Variants in SNCAIP observed in about 807,000 individuals in gnomAD.
SNCAIP encodes synphilin-1.
Under a neutral mutation model 86.7 loss-of-function variants are expected in SNCAIP, and 43 were observed. The observed-to-expected ratio is 0.50, with a 90% CI of 0.39 to 0.64. The LOEUF (loss-of-function observed/expected upper bound fraction) is 0.64. SNCAIP is among the 30% of genes least tolerant of loss of function. SNCAIP has a pLI of 0.00. For synonymous variants in SNCAIP, 417 were observed against 427.2 expected, an observed-to-expected ratio of 0.98 and a Z score of 0.29; for missense variants, 981 against 1,103.1, an observed-to-expected ratio of 0.89 and a Z score of 1.57.
intron 5 of SNCAIP, among the ~76,000 whole-genome samples, chr5:122,429,276 A>G (rs1777930478): frequency 6.6e-6 from 1 of 151,518 alleles, no homozygotes; most frequent in South Asian, 2.1e-4. Context: ...CCACCCTAGA[A>G]AACTAGAAAA....
At chr5:122,319,494 G>A (rs1381567465) in intron 1 of SNCAIP, among the ~76,000 whole-genome samples, 3 of 152,216 alleles carry the variant, frequency 2.0e-5, no homozygotes, top group Non-Finnish European at 2.9e-5. Context: ...AAACACTTTG[G>A]AAGCCACAGA....
chr5:122,373,020 G>A (rs1265892003), intron 1 of SNCAIP, among the ~76,000 whole-genome samples: 2 of 152,058 alleles, frequency 1.3e-5, no homozygotes, highest in Admixed American at 1.3e-4. Context: ...TTGTCATTTT[G>A]TTATTTTGAA....
intron 10 of SNCAIP, among the ~76,000 whole-genome samples, chr5:122,457,898 T>A (rs1294404605): frequency 6.6e-6 from 1 of 152,156 alleles, no homozygotes; most frequent in Non-Finnish European, 1.5e-5. Flanking sequence ...CAGAGTCTTG[T>A]GTATAAAGAA....
intron 1 of SNCAIP, among the ~76,000 whole-genome samples, chr5:122,333,633 C>G (rs1340551195): frequency 6.6e-6 from 1 of 152,214 alleles, no homozygotes; most frequent in East Asian, 1.9e-4. Flanking sequence ...AAGTTCATAT[C>G]TAATTTGAAA....
intron 2 of SNCAIP, among the ~76,000 whole-genome samples, chr5:122,402,600 T>C (rs1772062863): frequency 6.6e-6 from 1 of 152,182 alleles, no homozygotes; most frequent in Non-Finnish European, 1.5e-5. Context: ...ACCCTATGTC[T>C]TGCTGTCCTG....
Position 122,431,979 on chromosome 5 carries a change from T to G in SNCAIP, c.1193T>G (p.Leu398Trp), listed in dbSNP as rs1300099584. 1.3e-6 allele frequency: 2 copies of G among 1,554,522 alleles called. No individual in the cohort carries two copies. The highest frequency in any genetic ancestry group is 4.5e-5 in the East Asian group (2 of 44,568). ...TTTTTTAAAACCTAGAATGGTCAGT[T>G]GGAGTGCGTACGCTGGATGGTGAGC... Reference protein sequence around the residue: ...PAGLAIKNGQLECVRWMVSET... With the variant: ...PAGLAIKNGQWECVRWMVSET... The change falls in exon 6 of 11, where the codon TTG (leucine) becomes TGG (tryptophan). Residue 398 changes from leucine (L) to tryptophan (W), a missense_variant. By Grantham distance (61) the Leu-to-Trp change is moderately conservative. Transcript: ENST00000261368.
chr5:122,395,638 CTG>C (rs1770446214), intron 2 of SNCAIP, among the ~76,000 whole-genome samples: 1 of 152,100 alleles, frequency 6.6e-6, no homozygotes, highest in Non-Finnish European at 1.5e-5. Context: ...ATCACACAGA[CTG>C]TGCAGCATTT....
intron 8 of SNCAIP, among the ~76,000 whole-genome samples, chr5:122,447,030 G>C (rs1303475376): frequency 6.6e-6 from 1 of 152,212 alleles, no homozygotes; most frequent in Non-Finnish European, 1.5e-5. Context: ...GAGGTCATTA[G>C]GATGGGTCCT....
chr5:122,339,332 A>G (rs1757106339), intron 1 of SNCAIP, among the ~76,000 whole-genome samples: 1 of 152,164 alleles, frequency 6.6e-6, no homozygotes, highest in South Asian at 2.1e-4. Context: ...TCCATTTTAC[A>G]CACATGGAAT....
intron 1 of SNCAIP, among the ~76,000 whole-genome samples, chr5:122,321,115 T>G (rs916799673): frequency 1.3e-5 from 2 of 152,160 alleles, no homozygotes; most frequent in Non-Finnish European, 2.9e-5. Flanking sequence ...ATGGGAGCCA[T>G]GCAGGCAATT....
intron 5 of SNCAIP, among the ~76,000 whole-genome samples, chr5:122,429,037 T>G (rs1777897647): frequency 6.6e-6 from 1 of 152,130 alleles, no homozygotes; most frequent in African/African-American, 2.4e-5. Context: ...TTTGGGATGT[T>G]CATAAATATG....
intron 7 of SNCAIP, chr5:122,443,639 C>T (rs1781600584): frequency 2.2e-6 from 1 of 456,902 alleles, no homozygotes; most frequent in African/African-American, 2.0e-5. Flanking sequence ...ACTTTAGCTC[C>T]TATCCCCCTA....
chr5:122,445,482 G>A (rs1782076221), intron 8 of SNCAIP, among the ~76,000 whole-genome samples: 3 of 152,110 alleles, frequency 2.0e-5, no homozygotes, highest in Non-Finnish European at 2.9e-5. Context: ...CCTGCCTGAG[G>A]GGAACCAAGG....
rs1198001723 is a variant in SNCAIP at position 122,451,368 on chromosome 5, G to T, written c.2521G>T (p.Gly841Cys). The T allele has an allele frequency of 1.2e-6, 2 of 1,613,982 alleles. No individual in the cohort carries two copies. Among genetic ancestry groups the T allele is most frequent in the African/African-American group, 2.7e-5 (2 of 74,904 alleles). ...ELNGEKDKDKGRTLQRTSTSN... is the reference protein window; with the variant it reads ...ELNGEKDKDKCRTLQRTSTSN... ...GAATGGAGAAAAAGACAAAGATAAGGGCAGGACTCTCCAGCGGACCTCCAC... is the reference window on the plus strand; with the variant it reads ...GAATGGAGAAAAAGACAAAGATAAGTGCAGGACTCTCCAGCGGACCTCCAC... The change falls in exon 10 of 11, where the codon GGC becomes TGC. Residue 841 changes from glycine (G) to cysteine (C), a missense_variant. Coordinates refer to ENST00000261368, the MANE Select transcript of SNCAIP (RefSeq NM_005460.4).
At position 122,413,404 on chromosome 5, in the gene SNCAIP, C is replaced by T. The variant is rs372367252; in HGVS notation, c.131-9464C>T. The stretch of plus-strand genomic sequence containing the variant: ...TCTTATATTATCTCCCAGTTTCTCA[C>T]GTAATTGGCTTCTTCTCATCCTCCA... On this transcript the variant is annotated intron_variant, in intron 3 of 10. Coordinates refer to ENST00000261368, the MANE Select transcript of SNCAIP (RefSeq NM_005460.4). Among the ~76,000 whole-genome samples the T allele has an allele frequency of 1.8e-3, 270 of 152,278 alleles. 6 individuals are homozygous for T. The South Asian group carries it at 0.052, about 29-fold the overall frequency.
chr5:122,392,663 A>G (rs1769663106), intron 2 of SNCAIP, among the ~76,000 whole-genome samples: 1 of 152,202 alleles, frequency 6.6e-6, no homozygotes, highest in African/African-American at 2.4e-5. Flanking sequence ...AAAGGCTTTG[A>G]AAGCAGCCAG....
chr5:122,369,181 A>G (rs879593391), intron 1 of SNCAIP, among the ~76,000 whole-genome samples: 3 of 152,206 alleles, frequency 2.0e-5, no homozygotes, highest in Non-Finnish European at 4.4e-5. Context: ...TATTTACATT[A>G]CATACTCAAT....
At chr5:122,385,824 C>G (rs1401332152) in intron 1 of SNCAIP, among the ~76,000 whole-genome samples, 1 of 152,084 alleles carries the variant, frequency 6.6e-6, no homozygotes, top group Non-Finnish European at 1.5e-5. Context: ...GTACTCTGCT[C>G]ATTTATTTTG....
chr5:122,431,894 A>T (rs1055571370), intron 5 of SNCAIP, 75 bp from the exon 6 acceptor site: 1 of 765,106 alleles, frequency 1.3e-6, no homozygotes, highest in Non-Finnish European at 2.4e-6. Flanking sequence ...TCCTTGGTGA[A>T]ATTACCATCT....
Sources: gnomAD v4.1 joint callset for allele counts (sites outside exome capture counted in the v4.1 genomes callset) on GRCh38, gnomAD v4.1.1 for gene constraint, MANE v1.5 for transcripts, NCBI Gene and HGNC (gene_info 2026-07-23, HGNC 2026-07-21) for gene names.